Variants in NKD2 observed in about 807,000 individuals in gnomAD.
NKD2 encodes NKD inhibitor of Wnt signaling pathway 2.
In NKD2, 43 loss-of-function variants were observed where a neutral mutation model predicts 34.8. The ratio of observed to expected loss-of-function variants is 1.24; its 90% CI spans 0.97 to 1.60. The LOEUF (loss-of-function observed/expected upper bound fraction) is 1.60, where lower values mean the gene tolerates loss of function less well. Among genes scored for constraint, NKD2 ranks in the 40% most tolerant of loss-of-function variants. The pLI, the probability that NKD2 is intolerant of heterozygous loss-of-function variation, is 0.00. For synonymous variants in NKD2, 278 were observed against 265.1 expected (o/e 1.05, Z -0.47); for missense variants, 675 against 627.1 (o/e 1.08, Z -0.82).
At chr5:1,011,870 A>G (rs1755764924) in intron 3 of NKD2, among the ~76,000 whole-genome samples, 1 of 152,230 alleles carries the variant, frequency 6.6e-6, no homozygotes, top group African/African-American at 2.4e-5. Flanking sequence ...GGAGCGCCAC[A>G]CTTTGCTTTT....
Position 1,038,153 on chromosome 5 carries a change from C to T in NKD2, c.1136C>T (p.Pro379Leu), listed in dbSNP as rs1448685219. 1 of 1,586,992 alleles carries T rather than the reference C, an allele frequency of 6.3e-7. No individual in the cohort carries two copies. The highest frequency in any genetic ancestry group is 8.6e-7 in the Non-Finnish European group (1 of 1,168,830). Residue 379 changes from proline to leucine, a missense_variant, in exon 10 of 10, where the codon CCC becomes CTC. Physicochemically the swap from Pro to Leu is moderately conservative, Grantham distance 98. Transcript: ENST00000296849. This position sits in a 1 kb window ranked among gnomAD's most constrained non-coding sequence, Gnocchi z 4.5. Reference sequence around the variant, plus strand: ...CACCTCCCGCAGCCCCCACCGCCACCCTACGGCCACAAGCGGTACCGCCAA... The same window carrying T: ...CACCTCCCGCAGCCCCCACCGCCACTCTACGGCCACAAGCGGTACCGCCAA... The part of the protein sequence containing the change: ...GHHLPQPPPP[P>L]YGHKRYRQKG...
rs2150721947 is a variant in NKD2, at chr5:1,009,788, G to T, written c.141+228G>T. Among the ~76,000 whole-genome samples, 1 of 152,284 alleles carries T rather than the reference G, an allele frequency of 6.6e-6. No homozygotes were observed. Among genetic ancestry groups the T allele is most frequent in the East Asian group, 1.9e-4 (1 of 5,152 alleles). On this transcript the variant is annotated intron_variant, in intron 3 of 9. Transcript: ENST00000296849. The surrounding 1 kb of genome is among the most constrained non-coding windows in gnomAD (Gnocchi z 6.9). ...GTCCCATGCTGAGTGGCGGGTAGGG[G>T]AATCGGAATTCCTTGTCCTAGGCTG...
Position 1,037,806 on chromosome 5 carries a change from G to C in NKD2, c.789G>C (p.Gly263=). The change falls in exon 10 of 10, where the codon GGG becomes GGC. Residue 263 remains glycine (G), a splice_region_variant and synonymous_variant. Coordinates refer to ENST00000296849, the MANE Select transcript of NKD2 (RefSeq NM_033120.4). The part of the protein sequence containing the change: ...IENYTSRFGP[G]SPPVQAKQEP... ...TCACACTCTGACCTGTGTCCGCAGGGTCCCCTCCTGTGCAAGCAAAGCAGG... is the reference window on the plus strand; with the variant it reads ...TCACACTCTGACCTGTGTCCGCAGGCTCCCCTCCTGTGCAAGCAAAGCAGG... 6.4e-7 allele frequency: 1 copy of C among 1,570,956 alleles called. No individual in the cohort carries two copies. Among genetic ancestry groups the C allele is most frequent in the African/African-American group, 1.3e-5 (1 of 74,254 alleles).
chr5:1,019,663 A>G (rs4975579), intron 3 of NKD2, among the ~76,000 whole-genome samples: 129,929 of 152,236 alleles, frequency 0.85, 59,192 homozygotes, highest in East Asian at 1. Flanking sequence ...GTAATCAAAT[A>G]TAAGCCCCTC....
At position 1,009,624 on chromosome 5, in the gene NKD2, A is replaced by G; in HGVS notation, c.141+64A>G. On this transcript the variant is annotated intron_variant, in intron 3 of 9. Transcript: ENST00000296849. The surrounding 1 kb of genome is among the most constrained non-coding windows in gnomAD (Gnocchi z 6.9). ...CCGCCCGGGGGCGGGGAGCGGTGTC[A>G]GAGCTGTTCCTGGTGCCCGCCCGCG... 1 of 1,311,414 alleles carries G rather than the reference A, an allele frequency of 7.6e-7. No homozygotes were observed. The highest frequency in any genetic ancestry group is 3.1e-5 in the East Asian group (1 of 32,608). The allele number at this position is 1,311,414 out of a possible 1,614,324, so 81.2% of individuals were successfully genotyped here. A position where few individuals can be genotyped will look rare whatever the true frequency, so the allele number is the denominator to read the frequency against.
At chr5:1,032,034 C>T (rs576404539) in intron 3 of NKD2, 118 bp from the exon 4 acceptor site, 65 of 754,202 alleles carry the variant, frequency 8.6e-5, no homozygotes, top group South Asian at 5.6e-4. Flanking sequence ...GAGATTGAGA[C>T]GCCCCAGGAG....
chr5:1,033,256 G>C, intron 4 of NKD2, 116 bp from the exon 5 acceptor site: 3 of 1,040,936 alleles, frequency 2.9e-6, no homozygotes, highest in Non-Finnish European at 2.7e-6. Flanking sequence ...TCTCAGCTCA[G>C]GCCCGTCTGG....
At chr5:1,037,529 T>C in intron 9 of NKD2, 5 of 1,535,820 alleles carry the variant, frequency 3.3e-6, no homozygotes, top group Non-Finnish European at 4.4e-6. Context: ...GGGTCTCAGC[T>C]GTGCGAGAAG....
chr5:1,019,517 G>T (rs1262982935), intron 3 of NKD2, among the ~76,000 whole-genome samples: 1 of 152,172 alleles, frequency 6.6e-6, no homozygotes, highest in Non-Finnish European at 1.5e-5. Context: ...ATCTCGTGGA[G>T]CCTCTCGCCA....
intron 3 of NKD2, among the ~76,000 whole-genome samples, chr5:1,019,273 C>T (rs1756079967): frequency 6.6e-6 from 1 of 152,204 alleles, no homozygotes; most frequent in Non-Finnish European, 1.5e-5. Context: ...CTGCAGCCTC[C>T]AGGCCTTGGA....
intron 3 of NKD2, among the ~76,000 whole-genome samples, chr5:1,015,696 G>T (rs931296852): frequency 1.3e-5 from 2 of 152,234 alleles, no homozygotes; most frequent in Non-Finnish European, 2.9e-5. Flanking sequence ...CGCACATGCT[G>T]CCGCCAGCAT....
rs1755644778 is a variant in NKD2, at chr5:1,009,152, C to T, written c.26-27C>T. Reference sequence around the variant, plus strand: ...GGGGCCGCCTCTCACTGTCGTTTTCCTCTCCCCGCGTCCCGCCGTGCCGCA... The same window carrying T: ...GGGGCCGCCTCTCACTGTCGTTTTCTTCTCCCCGCGTCCCGCCGTGCCGCA... On this transcript the variant is annotated intron_variant, in intron 1 of 9. Coordinates refer to ENST00000296849, the MANE Select transcript of NKD2 (RefSeq NM_033120.4). The surrounding 1 kb of genome is among the most constrained non-coding windows in gnomAD (Gnocchi z 6.9). 1 of 554,634 alleles carries T rather than the reference C, an allele frequency of 1.8e-6. No individual in the cohort carries two copies. The highest frequency in any genetic ancestry group is 3.2e-6 in the Non-Finnish European group (1 of 309,652). 34.4% of individuals were successfully genotyped at this position (554,634 alleles called of 1,614,324 possible).
Position 1,038,128 on chromosome 5 carries a change from C to G in NKD2, c.1111C>G (p.His371Asp). The G allele has an allele frequency of 1.9e-6, 3 of 1,591,378 alleles. No homozygotes were observed. The highest frequency in any genetic ancestry group is 2.6e-6 in the Non-Finnish European group (3 of 1,171,148). Residue 371 changes from histidine to aspartate, a missense_variant, in exon 10 of 10, where the codon CAC becomes GAC. Transcript: ENST00000296849. The surrounding 1 kb of genome is among the most constrained non-coding windows in gnomAD (Gnocchi z 4.5). Reference sequence around the variant, plus strand: ...GCCCCAGGCCCCTCAGGACGGCCACCACCTCCCGCAGCCCCCACCGCCACC... The same window carrying G: ...GCCCCAGGCCCCTCAGGACGGCCACGACCTCCCGCAGCCCCCACCGCCACC... ...LPPQAPQDGH[H>D]LPQPPPPPYG...
rs1309019275 is a variant in NKD2 at position 1,009,015 on chromosome 5, C to T, written c.-43C>T. 6.7e-6 allele frequency: 3 copies of T among 446,520 alleles called. No individual in the cohort carries two copies. The highest frequency in any genetic ancestry group is 7.8e-6 in the Non-Finnish European group (2 of 254,966). 27.7% of individuals were successfully genotyped at this position (446,520 alleles called of 1,614,324 possible). A position where few individuals can be genotyped will look rare whatever the true frequency, so the allele number is the denominator to read the frequency against. On this transcript the variant is annotated 5_prime_UTR_variant, in exon 1 of 10. Coordinates refer to ENST00000296849, the MANE Select transcript of NKD2 (RefSeq NM_033120.4). The surrounding 1 kb of genome is among the most constrained non-coding windows in gnomAD (Gnocchi z 6.9). The stretch of plus-strand genomic sequence containing the variant: ...TCCCGGCCCCGGCTTCAGAACTCAG[C>T]CCTGCACCTGAGCGCGGGGCCCGGC...
chr5:1,014,700 G>C (rs1755879356), intron 3 of NKD2, among the ~76,000 whole-genome samples: 1 of 152,186 alleles, frequency 6.6e-6, no homozygotes, highest in Non-Finnish European at 1.5e-5. Flanking sequence ...TTGGGGGTTC[G>C]GCTCTTTCTA....
rs1360104324 is a variant in NKD2, at chr5:1,009,095, C to G, written c.25+13C>G. 8.0e-6 allele frequency: 2 copies of G among 248,972 alleles called. No homozygotes were observed. Among genetic ancestry groups the G allele is most frequent in the African/African-American group, 5.4e-5 (2 of 36,746 alleles). 15.4% of individuals were successfully genotyped at this position (248,972 alleles called of 1,614,324 possible). A position where few individuals can be genotyped will look rare whatever the true frequency, so the allele number is the denominator to read the frequency against. On this transcript the variant is annotated intron_variant, in intron 1 of 9. Transcript: ENST00000296849. This position sits in a 1 kb window ranked among gnomAD's most constrained non-coding sequence, Gnocchi z 6.9. The stretch of plus-strand genomic sequence containing the variant: ...CAGTCGAAGCACGGTGAGCCGCGGG[C>G]CGGTAGGGCGGGAGGGCGGGCGGGC...
chr5:1,010,811 G>A (rs1281049495), intron 3 of NKD2, among the ~76,000 whole-genome samples: 4 of 152,184 alleles, frequency 2.6e-5, no homozygotes, highest in Non-Finnish European at 5.9e-5. Context: ...TGGGGTGGGC[G>A]GGCGTTCACC....
intron 3 of NKD2, among the ~76,000 whole-genome samples, chr5:1,027,566 A>G (rs1756471087): frequency 6.6e-6 from 1 of 152,164 alleles, no homozygotes; most frequent in Admixed American, 6.5e-5. Flanking sequence ...GTTGGGCTCC[A>G]GGGGATGCTC....
rs376550493 is a variant in NKD2, at chr5:1,022,622, G to A, written c.142-9530G>A. ...CCCTTTGTCCCTGCTCTTCCCACCC[G>A]CTGTGGGCGTCCCAGCCCTTTGTCC... On this transcript the variant is annotated intron_variant, in intron 3 of 9. Coordinates refer to ENST00000296849, the MANE Select transcript of NKD2 (RefSeq NM_033120.4). Among the ~76,000 whole-genome samples the A allele has an allele frequency of 5.0e-5, 2 of 39,788 alleles. 1 individual carries two copies. The highest frequency in any genetic ancestry group is 9.5e-5 in the African/African-American group (2 of 20,960). The allele number at this position is 39,788 out of a possible 152,430, so 26.1% of individuals were successfully genotyped here.
Sources: allele counts gnomAD v4.1 joint callset (sites outside exome capture counted in the v4.1 genomes callset), GRCh38; gene constraint gnomAD v4.1.1; non-coding constraint Gnocchi (gnomAD v3.1); transcripts MANE v1.5; gene names NCBI Gene and HGNC (gene_info 2026-07-23, HGNC 2026-07-21).